SCN11A: variants seen among roughly 807,000 people sequenced by gnomAD.
SCN11A encodes sodium voltage-gated channel alpha subunit 11, also known as sodium channel protein type 11 subunit alpha.
A neutral mutation model predicts 162.2 loss-of-function variants in SCN11A; 122 were observed. The ratio of observed to expected loss-of-function variants is 0.75; its 90% CI spans 0.65 to 0.87. The LOEUF is 0.87. SCN11A is among the 40% of genes least tolerant of loss of function. The pLI, the probability that SCN11A is intolerant of heterozygous loss-of-function variation, is 0.00. For synonymous variants in SCN11A, 758 were observed against 751.5 expected, an observed-to-expected ratio of 1.01 and a Z score of -0.14; for missense variants, 2,015 against 2,181.6, an observed-to-expected ratio of 0.92 and a Z score of 1.52.
chr3:38,974,582 C>A (rs2125588191), intron 2 of SCN11A, among the ~76,000 whole-genome samples: 1 of 151,492 alleles, frequency 6.6e-6, no homozygotes, highest in African/African-American at 2.4e-5. Context: ...GTAGTCCCAG[C>A]TACTCGGGAG....
intron 20 of SCN11A, 25 bp from the exon 21 acceptor site, chr3:38,885,427 G>C: frequency 7.7e-7 from 1 of 1,302,940 alleles, no homozygotes; most frequent in Non-Finnish European, 1.1e-6. Flanking sequence ...AAAACGAAGG[G>C]GGTGCCTTTT....
At chr3:38,874,639 G>A (rs1485081216) in intron 23 of SCN11A, among the ~76,000 whole-genome samples, 1 of 152,134 alleles carries the variant, frequency 6.6e-6, no homozygotes, top group Non-Finnish European at 1.5e-5. Flanking sequence ...ATTTTAATAT[G>A]CACTTCTGTG....
rs190986500 is a variant in SCN11A at position 38,932,293 on chromosome 3, C to T, written c.489-5362G>A. Among the ~76,000 whole-genome samples, 738 of 152,286 alleles carry T rather than the reference C, an allele frequency of 4.8e-3. 2 individuals are homozygous for T. Among genetic ancestry groups the T allele is most frequent in the Middle Eastern group, 6.8e-3 (2 of 294 alleles). ...AGTCTACAGCTCCCAGCGTGAGCGA[C>T]GCAGAAGATGGGTGATTTCTGCATT... On this transcript the variant is annotated intron_variant, in intron 7 of 29. Coordinates refer to ENST00000302328, the MANE Select transcript of SCN11A (RefSeq NM_001349253.2).
rs1352963922 is a variant in SCN11A, at chr3:38,894,782, G to A, written c.2586C>T (p.Asn862=). 2.5e-6 allele frequency: 4 copies of A among 1,614,066 alleles called. 1 individual carries two copies. The South Asian group carries it at 4.4e-5, about 18-fold the overall frequency. The stretch of plus-strand genomic sequence containing the variant: ...CTGCCACCTCTTTTTGCTGTGGTAA[G>A]TTTTGCTTCCTGCACCACTTGTGAC... ...HFCHKWCRKQ[N]LPQQKEVAGG... The change falls in exon 19 of 30, where the codon AAC becomes AAT. Residue 862 remains asparagine, a synonymous_variant. Transcript: ENST00000302328.
intron 17 of SCN11A, among the ~76,000 whole-genome samples, chr3:38,898,338 G>A (rs2065640774): frequency 6.6e-6 from 1 of 152,226 alleles, no homozygotes; most frequent in Non-Finnish European, 1.5e-5. Flanking sequence ...TTGGAACATA[G>A]CCATGCTCAC....
chr3:38,970,642 C>T (rs1373685074), intron 2 of SCN11A, among the ~76,000 whole-genome samples: 1 of 152,204 alleles, frequency 6.6e-6, no homozygotes, highest in African/African-American at 2.4e-5. Context: ...CTCAGGGTCC[C>T]TGCTTAGCTC....
Position 38,880,005 on chromosome 3 carries a change from C to T in SCN11A, c.3338G>A (p.Gly1113Glu). The T allele has an allele frequency of 6.2e-7, 1 of 1,612,910 alleles. No individual in the cohort carries two copies. The highest frequency in any genetic ancestry group is 8.5e-7 in the Non-Finnish European group (1 of 1,179,266). ...LEMVLKWVAF[G>E]FGKYFTSAWC... ...GGCACTGGTGAAATACTTTCCAAAT[C>T]CGAAGGCTACCCATTTTAGTACCAT... Residue 1113 changes from glycine to glutamate, a missense_variant, in exon 23 of 30, where the codon GGA becomes GAA. Gly to Glu is a moderately conservative substitution (Grantham distance 98). Transcript: ENST00000302328.
intron 23 of SCN11A, among the ~76,000 whole-genome samples, chr3:38,878,195 C>T: frequency 1.1e-5 from 1 of 93,038 alleles, no homozygotes; most frequent in Non-Finnish European, 2.3e-5. Context: ...AATAAATAAA[C>T]CCACCCATCT....
At chr3:38,940,012 T>A (rs1387247548) in intron 7 of SCN11A, among the ~76,000 whole-genome samples, 2 of 149,956 alleles carry the variant, frequency 1.3e-5, no homozygotes, top group Non-Finnish European at 3.0e-5. Context: ...GCACACAATT[T>A]TATATATATA....
intron 2 of SCN11A, among the ~76,000 whole-genome samples, chr3:38,978,928 C>G (rs1294131904): frequency 6.6e-6 from 1 of 152,172 alleles, no homozygotes; most frequent in Non-Finnish European, 1.5e-5. Context: ...TCTTCCCCAT[C>G]ATGTTTACTT....
intron 2 of SCN11A, among the ~76,000 whole-genome samples, chr3:38,973,450 CA>C (rs769762317): frequency 2.2e-4 from 34 of 151,414 alleles, no homozygotes; most frequent in Non-Finnish European, 4.3e-4. Context: ...ATAGCAAAAT[CA>C]AAATGCTAAC....
chr3:38,921,953 TA>T (rs762305308), intron 9 of SCN11A, among the ~76,000 whole-genome samples: 1 of 152,196 alleles, frequency 6.6e-6, no homozygotes, highest in Non-Finnish European at 1.5e-5. Flanking sequence ...CCCTGATCTA[TA>T]GCATTTACAG....
chr3:38,975,153 A>G (rs1428563995), intron 2 of SCN11A, among the ~76,000 whole-genome samples: 1 of 152,062 alleles, frequency 6.6e-6, no homozygotes, highest in African/African-American at 2.4e-5. Flanking sequence ...ACAGTAAAAT[A>G]CAGACAATTT....
At chr3:38,909,861 C>T (rs749030350) in intron 12 of SCN11A, among the ~76,000 whole-genome samples, 1 of 151,936 alleles carries the variant, frequency 6.6e-6, no homozygotes. Context: ...CGGGAGTCAG[C>T]GTGCCTGGCC....
chr3:39,049,774 T>G (rs2032278829), intron 1 of SCN11A, among the ~76,000 whole-genome samples: 1 of 152,232 alleles, frequency 6.6e-6, no homozygotes, highest in African/African-American at 2.4e-5. Context: ...CATCACTATA[T>G]CCCTTCTGGA....
intron 23 of SCN11A, among the ~76,000 whole-genome samples, chr3:38,872,990 A>C (rs1014086614): frequency 6.6e-6 from 1 of 152,210 alleles, no homozygotes; most frequent in Non-Finnish European, 1.5e-5. Context: ...CCCTAATCCA[A>C]ATAGCTCCTT....
intron 2 of SCN11A, among the ~76,000 whole-genome samples, chr3:38,993,065 A>G (rs564807178): frequency 6.6e-6 from 1 of 152,296 alleles, no homozygotes; most frequent in Admixed American, 6.5e-5. Flanking sequence ...ATGGGTTGCA[A>G]TAAGAGGAAA....
chr3:38,935,335 A>T (rs1385145228), intron 7 of SCN11A, among the ~76,000 whole-genome samples: 2 of 152,296 alleles, frequency 1.3e-5, no homozygotes, highest in African/African-American at 2.4e-5. Flanking sequence ...GCAAGAGCAA[A>T]CACATTCAAA....
chr3:38,945,259 T>TA (rs1305397993), intron 7 of SCN11A, 152 bp downstream of exon 7: 9 of 557,972 alleles, frequency 1.6e-5, no homozygotes, highest in Admixed American at 6.3e-5. Flanking sequence ...TTACAAATTG[T>TA]AAAAAAATAA....
Sources: gnomAD v4.1 joint callset for allele counts (sites outside exome capture counted in the v4.1 genomes callset) on GRCh38, gnomAD v4.1.1 for gene constraint, MANE v1.5 for transcripts, NCBI Gene and HGNC (gene_info 2026-07-23, HGNC 2026-07-21) for gene names.